DSCAM: variants seen among roughly 807,000 people sequenced by gnomAD.
DSCAM encodes cell adhesion molecule DSCAM.
A neutral mutation model predicts 217.7 loss-of-function variants in DSCAM; 47 were observed. The observed-to-expected ratio is 0.22, with a 90% CI of 0.17 to 0.28. The LOEUF (loss-of-function observed/expected upper bound fraction) is 0.28. DSCAM is among the 10% of genes least tolerant of loss of function. The probability of loss-of-function intolerance (pLI) is 1.00; values close to 1 mark genes in which losing one functional copy is unlikely to be tolerated. For synonymous variants in DSCAM, 1,056 were observed against 1,015.3 expected (o/e 1.04, Z -0.76); for missense variants, 2,080 against 2,618.3 (o/e 0.79, Z 4.49).
chr21:40,124,967 GT>G (rs1164472673), intron 19 of DSCAM, among the ~76,000 whole-genome samples: 2 of 152,136 alleles, frequency 1.3e-5, no homozygotes, highest in Non-Finnish European at 2.9e-5. Context: ...TTCTGCTGCA[GT>G]TTTTGGCTTT....
chr21:40,098,177 A>G (rs570812921), intron 20 of DSCAM, among the ~76,000 whole-genome samples: 2 of 152,290 alleles, frequency 1.3e-5, no homozygotes, highest in South Asian at 4.1e-4. Context: ...CAGAAATTTC[A>G]TAACGATAAT....
intron 16 of DSCAM, among the ~76,000 whole-genome samples, chr21:40,159,960 G>A (rs1429471858): frequency 6.6e-6 from 1 of 152,186 alleles, no homozygotes; most frequent in Non-Finnish European, 1.5e-5. Flanking sequence ...TACATTTATT[G>A]GGAGATATTT....
intron 3 of DSCAM, among the ~76,000 whole-genome samples, chr21:40,449,447 T>C (rs2075701717): frequency 6.6e-6 from 1 of 152,206 alleles, no homozygotes; most frequent in Admixed American, 6.6e-5. Flanking sequence ...TATCCTTGTA[T>C]TCTCAGAAAT....
chr21:40,841,015 G>A (rs373105731), intron 1 of DSCAM, among the ~76,000 whole-genome samples: 41 of 152,310 alleles, frequency 2.7e-4, no homozygotes, highest in African/African-American at 9.4e-4. Context: ...TCAGACTATG[G>A]AGGCTCCTGT....
At chr21:40,755,171 G>C (rs999879308) in intron 1 of DSCAM, among the ~76,000 whole-genome samples, 3 of 152,180 alleles carry the variant, frequency 2.0e-5, no homozygotes, top group Non-Finnish European at 4.4e-5. Flanking sequence ...CTAGGGTCCA[G>C]TTACGGTGGC....
At chr21:40,103,968 G>A (rs2089786204) in intron 20 of DSCAM, among the ~76,000 whole-genome samples, 1 of 151,902 alleles carries the variant, frequency 6.6e-6, no homozygotes, top group South Asian at 2.1e-4. Flanking sequence ...ATAATGTTTT[G>A]CAACTATATT....
At chr21:40,600,555 AT>A (rs1193223488) in intron 3 of DSCAM, among the ~76,000 whole-genome samples, 1 of 152,176 alleles carries the variant, frequency 6.6e-6, no homozygotes, top group African/African-American at 2.4e-5. Flanking sequence ...TTGTCCTTTC[AT>A]TCGTCATACT....
chr21:40,588,638 G>A (rs1422014845), intron 3 of DSCAM, among the ~76,000 whole-genome samples: 1 of 152,088 alleles, frequency 6.6e-6, no homozygotes, highest in Non-Finnish European at 1.5e-5. Flanking sequence ...AATAAATAAT[G>A]ATAATCTAAT....
At chr21:40,581,154 G>C (rs2076902574) in intron 3 of DSCAM, among the ~76,000 whole-genome samples, 2 of 152,250 alleles carry the variant, frequency 1.3e-5, no homozygotes, top group African/African-American at 4.8e-5. Flanking sequence ...TAAATCGTAA[G>C]AGAATCCTTT....
chr21:40,092,333 G>A (rs1316084829), intron 21 of DSCAM, among the ~76,000 whole-genome samples: 5 of 152,166 alleles, frequency 3.3e-5, no homozygotes, highest in Non-Finnish European at 1.5e-5. Flanking sequence ...ACCTCTGTTG[G>A]ACTATATTAT....
intron 4 of DSCAM, among the ~76,000 whole-genome samples, chr21:40,367,458 T>C (rs1450293535): frequency 6.6e-6 from 1 of 152,214 alleles, no homozygotes; most frequent in Non-Finnish European, 1.5e-5. Context: ...ACTCCAGATG[T>C]ACATTTTTCA....
At chr21:40,805,359 G>C (rs1160384517) in intron 1 of DSCAM, among the ~76,000 whole-genome samples, 1 of 152,110 alleles carries the variant, frequency 6.6e-6, no homozygotes, top group Non-Finnish European at 1.5e-5. Context: ...TGGCTCATGA[G>C]GCTGACCAGT....
At chr21:40,720,509 T>C (rs1210533743) in intron 1 of DSCAM, among the ~76,000 whole-genome samples, 1 of 152,152 alleles carries the variant, frequency 6.6e-6, no homozygotes, top group Non-Finnish European at 1.5e-5. Flanking sequence ...TTAACGTTAA[T>C]ATATTTCACT....
intron 29 of DSCAM, among the ~76,000 whole-genome samples, chr21:40,053,356 A>G (rs2146500180): frequency 6.6e-6 from 1 of 152,312 alleles, no homozygotes; most frequent in East Asian, 1.9e-4. Flanking sequence ...CGACTCCTCA[A>G]AGAGGGTGGC....
At position 40,338,307 on chromosome 21, in the gene DSCAM, C is replaced by T. The variant is rs752824503; in HGVS notation, c.1577G>A (p.Arg526His). 8.7e-6 allele frequency: 14 copies of T among 1,614,088 alleles called. No individual in the cohort carries two copies. The highest frequency in any genetic ancestry group is 1.3e-5 in the African/African-American group (1 of 74,940). Residue 526 changes from arginine to histidine, a missense_variant, in exon 8 of 33, where the codon CGT becomes CAT. This residue lies in a region of DSCAM where 218 missense variants were observed against 364.1 expected (regional missense o/e 0.60). Transcript: ENST00000400454. ...GGAGTAATACGGATAGCCAATCACA[C>T]GACAGTGAATGTATGTGTCCCGTCC... ...IAGRDTYIHC[R>H]VIGYPYYSIK...
chr21:40,489,770 G>A (rs868118671), intron 3 of DSCAM, among the ~76,000 whole-genome samples: 576 of 21,806 alleles, frequency 0.026, 8 homozygotes, highest in African/African-American at 0.13. Flanking sequence ...GCGAGACTCC[G>A]TCTCAAAAAA....
intron 11 of DSCAM, among the ~76,000 whole-genome samples, chr21:40,209,343 G>A (rs915839601): frequency 3.3e-5 from 5 of 152,162 alleles, no homozygotes; most frequent in Admixed American, 6.5e-5. Context: ...TGGATGAAGT[G>A]AGAAACTACT....
chr21:40,652,829 G>C (rs80250785), intron 3 of DSCAM, among the ~76,000 whole-genome samples: 1 of 152,152 alleles, frequency 6.6e-6, no homozygotes, highest in Admixed American at 6.5e-5. Flanking sequence ...GGATTATGAC[G>C]AGTGTCTGTT....
In DSCAM at chr21:40,078,735, C is replaced by T; in HGVS notation, c.4663G>A (p.Gly1555Ser). 6.2e-7 allele frequency: 1 copy of T among 1,614,242 alleles called. No individual in the cohort carries two copies. The highest frequency in any genetic ancestry group is 2.2e-5 in the East Asian group (1 of 44,878). ...AAGTTGGCCTGCTTCTCCGCGCAGC[C>T]CGCACTGTTGCACACCCGCATCTGC... ...ELQMRVCNSAGCAEKQANFAT... is the reference protein window; with the variant it reads ...ELQMRVCNSASCAEKQANFAT... Residue 1555 changes from glycine (G) to serine (S), a missense_variant, in exon 26 of 33, where the codon GGC (glycine) becomes AGC (serine). Around this residue, in one of 5 missense-constraint regions of DSCAM, gnomAD observed 1,144 missense variants for 1,421.1 expected, o/e 0.81. Transcript: ENST00000400454.
Sources: gnomAD v4.1 joint callset for allele counts (sites outside exome capture counted in the v4.1 genomes callset) on GRCh38, gnomAD v4.1.1 for gene constraint, gnomAD v4.1.1 regional missense constraint, MANE v1.5 for transcripts, NCBI Gene and HGNC (gene_info 2026-07-23, HGNC 2026-07-21) for gene names.